Variants in EIF5 observed in about 807,000 individuals in gnomAD.
EIF5 encodes eukaryotic translation initiation factor 5.
In EIF5, 10 loss-of-function variants were observed where a neutral mutation model predicts 48.3. The observed-to-expected ratio is 0.21, with a 90% CI of 0.13 to 0.35. The LOEUF is 0.35. EIF5 is among the 10% of genes least tolerant of loss of function. The probability of loss-of-function intolerance (pLI) is 1.00; values close to 1 mark genes in which losing one functional copy is unlikely to be tolerated. For synonymous variants in EIF5, 237 were observed against 173.1 expected, an observed-to-expected ratio of 1.37 and a Z score of -2.90; for missense variants, 397 against 533.2, an observed-to-expected ratio of 0.74 and a Z score of 2.51.
rs1421107877 is a variant in EIF5 at position 103,342,338 on chromosome 14, G to A, written c.*1286G>A. The A allele has an allele frequency of 6.6e-6, 1 of 152,172 alleles. No individual in the cohort carries two copies. Among genetic ancestry groups the A allele is most frequent in the African/African-American group, 2.4e-5 (1 of 41,422 alleles). The allele number at this position is 152,172 out of a possible 1,614,324, so 9.4% of individuals were successfully genotyped here. ...GAGCCCATGCAGGGCTTTAGATTTG[G>A]ACACACAAGAGTTGATAACTTCCTC... On this transcript the variant is annotated 3_prime_UTR_variant, in exon 12 of 12. Transcript: ENST00000216554.
chr14:103,336,595 AAGTG>A (rs2089289728), intron 4 of EIF5, 78 bp from the exon 5 acceptor site: 11 of 1,417,958 alleles, frequency 7.8e-6, no homozygotes, highest in East Asian at 2.4e-5. Context: ...AAAAAAAAAA[AAGTG>A]GTGTTCGTAC....
rs889402932 is a variant in EIF5 at position 103,335,668 on chromosome 14, A to G, written c.-193A>G. 1.7e-6 allele frequency: 1 copy of G among 596,194 alleles called. No homozygotes were observed. The highest frequency in any genetic ancestry group is 3.0e-6 in the Non-Finnish European group (1 of 335,048). 36.9% of individuals were successfully genotyped at this position (596,194 alleles called of 1,614,324 possible). A position where few individuals can be genotyped will look rare whatever the true frequency, so the allele number is the denominator to read the frequency against. On this transcript the variant is annotated 5_prime_UTR_variant, in exon 3 of 12. Transcript: ENST00000216554. ...TTTCTTTCAGAGCTGTTGCGCAGCCATTGGTACCTGTATTGGGGAAACATA... is the reference window on the plus strand; with the variant it reads ...TTTCTTTCAGAGCTGTTGCGCAGCCGTTGGTACCTGTATTGGGGAAACATA...
At position 103,336,978 on chromosome 14, in the gene EIF5, A is replaced by G. The variant is rs1298854314; in HGVS notation, c.327+129A>G. ...AACACAAAACTCCAGTTTTCGAGAT[A>G]TTTCCATTCTTTTTTTTAAAGTAGG... On this transcript the variant is annotated intron_variant, in intron 5 of 11. Transcript: ENST00000216554. The G allele has an allele frequency of 3.6e-6, 5 of 1,387,474 alleles. No homozygotes were observed. In the African/African-American group the frequency reaches 5.9e-5, roughly 16 times the overall value. The allele number at this position is 1,387,474 out of a possible 1,614,324, so 85.9% of individuals were successfully genotyped here.
rs568548919 is a variant in EIF5 at position 103,344,604 on chromosome 14, C to T, written c.*3552C>T. On this transcript the variant is annotated 3_prime_UTR_variant, in exon 12 of 12. Transcript: ENST00000216554. ...TGCAGCACTCAATCCCACTGGAAGC[C>T]TAATGCTGCAGTCAGAAGCAATGCC... 6.6e-6 allele frequency: 1 copy of T among 152,292 alleles called. No individual in the cohort carries two copies. Among genetic ancestry groups the T allele is most frequent in the African/African-American group, 2.4e-5 (1 of 41,550 alleles). 9.4% of individuals were successfully genotyped at this position (152,292 alleles called of 1,614,324 possible).
Position 103,344,965 on chromosome 14 carries a change from G to A in EIF5, c.*3913G>A, listed in dbSNP as rs184452946. On this transcript the variant is annotated 3_prime_UTR_variant, in exon 12 of 12. Coordinates refer to ENST00000216554, the MANE Select transcript of EIF5 (RefSeq NM_001969.5). ...TAGTAGACATACACTAACCAAAAAT[G>A]TAGCTCTTTGAATCTCAGAAAAAAG... 1 of 152,164 alleles carries A rather than the reference G, an allele frequency of 6.6e-6. No individual in the cohort carries two copies. 9.4% of individuals were successfully genotyped at this position (152,164 alleles called of 1,614,324 possible). A position where few individuals can be genotyped will look rare whatever the true frequency, so the allele number is the denominator to read the frequency against.
rs138105483 is a variant in EIF5, at chr14:103,338,307, A to G, written c.440-20A>G. On this transcript the variant is annotated intron_variant, in intron 6 of 11. Coordinates refer to ENST00000216554, the MANE Select transcript of EIF5 (RefSeq NM_001969.5). ...ATGTAAGTTATGGGGTTAAATTTTT[A>G]TTTCCCTTTTTTTCTGTAGAGAATA... 6 of 1,607,498 alleles carry G rather than the reference A, an allele frequency of 3.7e-6. No individual in the cohort carries two copies. The East Asian group carries it at 6.7e-5, about 18-fold the overall frequency.
Position 103,335,692 on chromosome 14 carries a change from T to C in EIF5, c.-169T>C, listed in dbSNP as rs994579402. ...CATTGGTACCTGTATTGGGGAAACA[T>C]AGCATACAAGCAAGAAGCTTACAGC... On this transcript the variant is annotated 5_prime_UTR_variant, in exon 3 of 12. Transcript: ENST00000216554. 3.1e-6 allele frequency: 2 copies of C among 643,622 alleles called. No homozygotes were observed. The highest frequency in any genetic ancestry group is 2.7e-6 in the Non-Finnish European group (1 of 365,964). The allele number at this position is 643,622 out of a possible 1,614,324, so 39.9% of individuals were successfully genotyped here.
rs1324864673 is a variant in EIF5, at chr14:103,343,059, A to G, written c.*2007A>G. 6.6e-6 allele frequency: 1 copy of G among 152,580 alleles called. No individual in the cohort carries two copies. Among genetic ancestry groups the G allele is most frequent in the Non-Finnish European group, 1.5e-5 (1 of 68,020 alleles). 9.5% of individuals were successfully genotyped at this position (152,580 alleles called of 1,614,324 possible). On this transcript the variant is annotated 3_prime_UTR_variant, in exon 12 of 12. Coordinates refer to ENST00000216554, the MANE Select transcript of EIF5 (RefSeq NM_001969.5). ...TGGAATACAAATTCACATAATCTGA[A>G]CTTTGTTCACAGGTTATCCTAATAG...
In EIF5 at chr14:103,343,417, A is replaced by G. The variant is rs1337889037; in HGVS notation, c.*2365A>G. 1 of 152,180 alleles carries G rather than the reference A, an allele frequency of 6.6e-6. No homozygotes were observed. Among genetic ancestry groups the G allele is most frequent in the Non-Finnish European group, 1.5e-5 (1 of 68,042 alleles). The allele number at this position is 152,180 out of a possible 1,614,324, so 9.4% of individuals were successfully genotyped here. On this transcript the variant is annotated 3_prime_UTR_variant, in exon 12 of 12. Transcript: ENST00000216554. The stretch of plus-strand genomic sequence containing the variant: ...TACTTGAAATCTTGGCAGGTGCTTA[A>G]TAGGGAACATACATACAGCTATGTA...
chr14:103,338,946 C>T (rs955338737), intron 8 of EIF5, 53 bp downstream of exon 8: 20 of 1,586,668 alleles, frequency 1.3e-5, no homozygotes, highest in Admixed American at 5.4e-5. Context: ...TTGTTTGTGC[C>T]TTTAGATATA....
At chr14:103,335,631 G>C in intron 2 of EIF5, 22 bp from the exon 3 acceptor site, 1 of 567,464 alleles carries the variant, frequency 1.8e-6, no homozygotes, top group Non-Finnish European at 3.1e-6. Context: ...ATTTTTGTGT[G>C]TTCTTTCCCT....
intron 8 of EIF5, 120 bp downstream of exon 8, chr14:103,339,013 G>T (rs1470379188): frequency 2.0e-6 from 3 of 1,485,858 alleles, no homozygotes. Context: ...TAGAACTCTT[G>T]TTCATTTAAA....
chr14:103,339,158 C>T lies in EIF5; in HGVS notation c.745-14C>T. On this transcript the variant is annotated splice_polypyrimidine_tract_variant and intron_variant, in intron 8 of 11. Transcript: ENST00000216554. ...TGCCTCCATTGCACTGAATTGTTTT[C>T]CTTTTCTTTGCAGAAAAAGAAAGAA... The T allele has an allele frequency of 1.2e-6, 2 of 1,600,018 alleles. No individual in the cohort carries two copies. The highest frequency in any genetic ancestry group is 2.7e-5 in the African/African-American group (2 of 73,850).
intron 6 of EIF5, chr14:103,337,943 A>T (rs748796284): frequency 1.9e-6 from 1 of 530,390 alleles, no homozygotes; most frequent in Middle Eastern, 3.2e-4. Context: ...TCTCTCTCCC[A>T]TGAGACAAGC....
chr14:103,337,707 CAATT>C (rs1820617304), intron 6 of EIF5: 2 of 388,152 alleles, frequency 5.2e-6, no homozygotes, highest in Non-Finnish European at 1.0e-5. Context: ...AATAGGCTGC[CAATT>C]AAACTGTGCC....
chr14:103,335,603 G>C, intron 2 of EIF5, 50 bp from the exon 3 acceptor site: 1 of 533,088 alleles, frequency 1.9e-6, no homozygotes. Context: ...ATCCAGCGAT[G>C]ATGTTAAACC....
chr14:103,338,655 G>A, intron 7 of EIF5, 80 bp from the exon 8 acceptor site: 1 of 1,557,190 alleles, frequency 6.4e-7, no homozygotes, highest in Middle Eastern at 1.7e-4. Context: ...TGGACTTGAT[G>A]CCATTAACTT....
In EIF5 at chr14:103,335,919, G is replaced by A; in HGVS notation, c.59G>A (p.Arg20His). 2 of 1,614,144 alleles carry A rather than the reference G, an allele frequency of 1.2e-6. No homozygotes were observed. The highest frequency in any genetic ancestry group is 8.5e-7 in the Non-Finnish European group (1 of 1,180,024). The change falls in exon 3 of 12, where the codon CGT becomes CAT. Residue 20 changes from arginine to histidine, a missense_variant. This residue lies in a region of EIF5 where 108 missense variants were observed against 188.3 expected (regional missense o/e 0.57). Transcript: ENST00000216554. ...CAGTTCTATCGCTACAAGATGCCCC[G>A]TCTGATTGCCAAGGTAATAAACTGC... is the stretch of plus-strand genomic sequence containing the variant. ...SDQFYRYKMP[R>H]LIAKVEGKGN...
Position 103,342,102 on chromosome 14 carries a change from G to C in EIF5, c.*1050G>C, listed in dbSNP as rs2089360022. On this transcript the variant is annotated 3_prime_UTR_variant, in exon 12 of 12. Transcript: ENST00000216554. ...TTTGGTTGCTTTCTTGCCAAAATAA[G>C]TGTTAACTGTGTTTCAAACTTGATT... 1 of 152,322 alleles carries C rather than the reference G, an allele frequency of 6.6e-6. No individual in the cohort carries two copies. Among genetic ancestry groups the C allele is most frequent in the East Asian group, 1.9e-4 (1 of 5,198 alleles). The allele number at this position is 152,322 out of a possible 1,614,324, so 9.4% of individuals were successfully genotyped here. A position where few individuals can be genotyped will look rare whatever the true frequency, so the allele number is the denominator to read the frequency against.
Sources: gnomAD v4.1 joint callset for allele counts on GRCh38, gnomAD v4.1.1 for gene constraint, gnomAD v4.1.1 regional missense constraint, MANE v1.5 for transcripts, NCBI Gene and HGNC (gene_info 2026-07-23, HGNC 2026-07-21) for gene names.